Variants in CNTN4 observed in about 807,000 individuals in gnomAD.
CNTN4 encodes the protein contactin 4.
In CNTN4, 77 loss-of-function variants were observed where a neutral mutation model predicts 122.5. The observed-to-expected ratio is 0.63, with a 90% CI of 0.52 to 0.76. CNTN4 has a LOEUF of 0.76. CNTN4 is among the 30% of genes least tolerant of loss of function. CNTN4 has a pLI of 0.00. For missense variants in CNTN4, 1,256 were observed against 1,259.1 expected, an observed-to-expected ratio of 1.00 and a Z score of 0.04; for synonymous variants, 512 against 447.0, an observed-to-expected ratio of 1.15 and a Z score of -1.83.
chr3:2,129,810 A>G (rs1392084958), intron 2 of CNTN4, among the ~76,000 whole-genome samples: 1 of 151,914 alleles, frequency 6.6e-6, no homozygotes, highest in East Asian at 1.9e-4. Context: ...AAAAATACAT[A>G]GTATATATAT....
chr3:2,334,090 A>G (rs888490120), intron 2 of CNTN4, among the ~76,000 whole-genome samples: 5 of 152,202 alleles, frequency 3.3e-5, no homozygotes, highest in Non-Finnish European at 7.3e-5. Context: ...TTGATATTCA[A>G]ATAATGTTAA....
chr3:3,000,426 C>T (rs1695923652), intron 14 of CNTN4, among the ~76,000 whole-genome samples: 1 of 152,130 alleles, frequency 6.6e-6, no homozygotes, highest in African/African-American at 2.4e-5. Context: ...TGTTTTCAAA[C>T]ATTTAAAGAG....
chr3:2,594,863 AAAAT>A (rs942113288), intron 4 of CNTN4, among the ~76,000 whole-genome samples: 5 of 152,188 alleles, frequency 3.3e-5, no homozygotes, highest in African/African-American at 1.2e-4. Flanking sequence ...TTCATTTTCA[AAAAT>A]AAATAATCAA....
At chr3:2,856,362 G>A (rs994465924) in intron 7 of CNTN4, among the ~76,000 whole-genome samples, 2 of 152,156 alleles carry the variant, frequency 1.3e-5, no homozygotes, top group Non-Finnish European at 2.9e-5. Flanking sequence ...TAATTTTCCT[G>A]GTCAGGAAAT....
chr3:2,367,120 G>A (rs573227791), intron 3 of CNTN4, among the ~76,000 whole-genome samples: 1 of 150,970 alleles, frequency 6.6e-6, no homozygotes, highest in African/African-American at 2.4e-5. Flanking sequence ...GTACAGAAAT[G>A]GTATATAATA....
intron 2 of CNTN4, among the ~76,000 whole-genome samples, chr3:2,312,011 A>G (rs1482828413): frequency 1.3e-5 from 2 of 152,088 alleles, no homozygotes; most frequent in Non-Finnish European, 2.9e-5. Context: ...CTAATTAAGA[A>G]AAAAGTGAGA....
intron 3 of CNTN4, among the ~76,000 whole-genome samples, chr3:2,388,323 A>G (rs989553474): frequency 1.1e-4 from 16 of 152,174 alleles, no homozygotes; most frequent in African/African-American, 2.2e-4. Context: ...GTATATCAGA[A>G]CTGTTTTCTT....
At chr3:2,930,571 C>T (rs1195995750) in intron 13 of CNTN4, among the ~76,000 whole-genome samples, 1 of 152,088 alleles carries the variant, frequency 6.6e-6, no homozygotes, top group Non-Finnish European at 1.5e-5. Flanking sequence ...TAAGGGTTTC[C>T]CCCCACCCTT....
rs144539029 is a variant in CNTN4 at position 2,630,879 on chromosome 3, T to C, written c.55+59321T>C. Among the ~76,000 whole-genome samples the C allele has an allele frequency of 2.1e-3, 316 of 152,286 alleles. 3 individuals are homozygous for C. The highest frequency in any genetic ancestry group is 7.2e-3 in the African/African-American group (299 of 41,572). On this transcript the variant is annotated intron_variant, in intron 4 of 24. Transcript: ENST00000418658. ...GATTTACCTGGGTGAAGACAGGCAT[T>C]GTCTGTACTTGATCAAGTAAATTTT...
chr3:2,998,845 C>A (rs1695775994), intron 14 of CNTN4, among the ~76,000 whole-genome samples: 1 of 152,142 alleles, frequency 6.6e-6, no homozygotes, highest in Admixed American at 6.6e-5. Flanking sequence ...AAACAGATTT[C>A]ATGAACTGTA....
Position 3,034,557 on chromosome 3 carries a change from C to T in CNTN4, c.1784-75C>T, listed in dbSNP as rs995865067. 12 of 1,432,608 alleles carry T rather than the reference C, an allele frequency of 8.4e-6. No individual in the cohort carries two copies. In the African/African-American group the frequency reaches 1.7e-4, roughly 20 times the overall value. 88.7% of individuals were successfully genotyped at this position (1,432,608 alleles called of 1,614,324 possible). On this transcript the variant is annotated intron_variant, in intron 16 of 24. Coordinates refer to ENST00000418658, the MANE Select transcript of CNTN4 (RefSeq NM_175607.3). ...TAGATAAATGAATGGGTCAATGCCCCATTCAAGTATGTGGCTCCTTTACTT... is the reference window on the plus strand; with the variant it reads ...TAGATAAATGAATGGGTCAATGCCCTATTCAAGTATGTGGCTCCTTTACTT...
At chr3:2,369,039 C>T (rs770293663) in intron 3 of CNTN4, among the ~76,000 whole-genome samples, 13 of 152,130 alleles carry the variant, frequency 8.5e-5, no homozygotes, top group Non-Finnish European at 1.9e-4. Context: ...ATTCTCCTGC[C>T]TCAGCTCCCG....
intron 13 of CNTN4, among the ~76,000 whole-genome samples, chr3:2,966,434 C>A (rs1215748641): frequency 1.3e-5 from 2 of 151,916 alleles, no homozygotes; most frequent in Non-Finnish European, 2.9e-5. Context: ...AAAATTAAAA[C>A]AATTGAACTC....
chr3:2,503,054 A>G (rs1476361489), intron 3 of CNTN4, among the ~76,000 whole-genome samples: 1 of 152,204 alleles, frequency 6.6e-6, no homozygotes, highest in Non-Finnish European at 1.5e-5. Context: ...TGAATGAGAC[A>G]TGATATCTGC....
chr3:2,494,521 G>T (rs1276055795), intron 3 of CNTN4, among the ~76,000 whole-genome samples: 5 of 152,110 alleles, frequency 3.3e-5, no homozygotes, highest in African/African-American at 1.2e-4. Context: ...AAGCTTCCAG[G>T]TAGCAAGCTG....
At chr3:2,326,376 T>C (rs1291323813) in intron 2 of CNTN4, among the ~76,000 whole-genome samples, 2 of 152,078 alleles carry the variant, frequency 1.3e-5, no homozygotes, top group Non-Finnish European at 2.9e-5. Flanking sequence ...GAACTTGGAC[T>C]GGAAATAGAC....
chr3:2,422,165 G>A (rs2047642751), intron 3 of CNTN4, among the ~76,000 whole-genome samples: 1 of 152,206 alleles, frequency 6.6e-6, no homozygotes, highest in Non-Finnish European at 1.5e-5. Context: ...ACCACATCTA[G>A]AGCACTGCCC....
intron 16 of CNTN4, among the ~76,000 whole-genome samples, chr3:3,031,985 C>A (rs890013175): frequency 1.3e-5 from 2 of 152,050 alleles, no homozygotes; most frequent in African/African-American, 4.8e-5. Context: ...GTTGCTGTAT[C>A]CTCTAGGCAT....
chr3:2,609,906 G>C (rs538017643), intron 4 of CNTN4, among the ~76,000 whole-genome samples: 10 of 152,112 alleles, frequency 6.6e-5, no homozygotes, highest in South Asian at 6.2e-4. Context: ...GATTTCATTA[G>C]CATAAAACTT....
Sources: allele counts gnomAD v4.1 joint callset (sites outside exome capture counted in the v4.1 genomes callset), GRCh38; gene constraint gnomAD v4.1.1; transcripts MANE v1.5; gene names NCBI Gene and HGNC (gene_info 2026-07-23, HGNC 2026-07-21).